NT5M: variants seen among roughly 807,000 people sequenced by gnomAD.
The protein encoded by NT5M is 5'(3')-deoxyribonucleotidase, mitochondrial.
A neutral mutation model predicts 22.2 loss-of-function variants in NT5M; 22 were observed. That is an observed-to-expected ratio of 0.99 (90% CI 0.71 to 1.41). The LOEUF is 1.41. Among genes scored for constraint, NT5M ranks in the 40% most tolerant of loss-of-function variants. The probability of loss-of-function intolerance (pLI) is 0.00; values close to 1 mark genes in which losing one functional copy is unlikely to be tolerated. For synonymous variants in NT5M, 167 were observed against 133.0 expected (o/e 1.26, Z -1.76); for missense variants, 322 against 314.8 (o/e 1.02, Z -0.17).
chr17:17,306,042 C>T (rs569530937), intron 1 of NT5M, among the ~76,000 whole-genome samples: 92 of 152,216 alleles, frequency 6.0e-4, no homozygotes, highest in Non-Finnish European at 1.0e-3. Context: ...AAGCAGAGCT[C>T]TTCTGGTTAA....
At chr17:17,341,837 T>A (rs988691884) in intron 3 of NT5M, among the ~76,000 whole-genome samples, 1 of 152,200 alleles carries the variant, frequency 6.6e-6, no homozygotes, top group African/African-American at 2.4e-5. Flanking sequence ...GAGACCAGCC[T>A]GGCCAACGTG....
At chr17:17,323,967 G>C (rs1007118286) in intron 3 of NT5M, among the ~76,000 whole-genome samples, 1 of 152,108 alleles carries the variant, frequency 6.6e-6, no homozygotes, top group Non-Finnish European at 1.5e-5. Context: ...AGATCACTGG[G>C]TTCAAGCAAT....
At chr17:17,314,086 T>G (rs1376323700) in intron 2 of NT5M, among the ~76,000 whole-genome samples, 1 of 150,014 alleles carries the variant, frequency 6.7e-6, no homozygotes, top group Non-Finnish European at 1.5e-5. Flanking sequence ...CAGGCTGGAG[T>G]GCAGTGGTGC....
chr17:17,337,440 G>C (rs1292117886), intron 3 of NT5M, among the ~76,000 whole-genome samples: 1 of 149,250 alleles, frequency 6.7e-6, no homozygotes, highest in Non-Finnish European at 1.5e-5. Context: ...GTTTTGCCCT[G>C]TTTCTCAGAC....
chr17:17,306,040 C>G (rs184628941), intron 1 of NT5M, among the ~76,000 whole-genome samples: 1 of 152,140 alleles, frequency 6.6e-6, no homozygotes, highest in East Asian at 1.9e-4. Context: ...AAAAGCAGAG[C>G]TCTTCTGGTT....
chr17:17,330,447 C>T (rs1291385752), intron 3 of NT5M, among the ~76,000 whole-genome samples: 1 of 150,398 alleles, frequency 6.6e-6, no homozygotes, highest in African/African-American at 2.5e-5. Context: ...GTGATCTCAG[C>T]TCACTGCAAC....
chr17:17,318,464 A>AG (rs2049078924), intron 2 of NT5M, among the ~76,000 whole-genome samples: 3 of 140,640 alleles, frequency 2.1e-5, no homozygotes, highest in Non-Finnish European at 3.1e-5. Context: ...CTGGGTAACA[A>AG]AGCGAGACTC....
chr17:17,307,150 A>G lies in NT5M; in HGVS notation c.368+507A>G, dbSNP rs1371212480. Among the ~76,000 whole-genome samples the G allele has an allele frequency of 2.0e-5, 3 of 151,964 alleles. No individual in the cohort carries two copies. In the East Asian group the frequency reaches 5.8e-4, roughly 30 times the overall value. ...GAGGTGGAGGTTGTGGTGAGCCGAG[A>G]TCGCGCCATTGCACTCCAGCCTGGG... On this transcript the variant is annotated intron_variant, in intron 2 of 4. Transcript: ENST00000389022.
chr17:17,338,232 G>A (rs954188763), intron 3 of NT5M, among the ~76,000 whole-genome samples: 9 of 149,848 alleles, frequency 6.0e-5, no homozygotes, highest in East Asian at 3.9e-4. Flanking sequence ...TTACTCTGTC[G>A]CCCAGGCGGG....
chr17:17,340,361 C>G (rs1347163901), intron 3 of NT5M, among the ~76,000 whole-genome samples: 1 of 151,740 alleles, frequency 6.6e-6, no homozygotes, highest in Non-Finnish European at 1.5e-5. Flanking sequence ...TTATTTGGGT[C>G]TTCTCTCTTT....
At chr17:17,341,517 T>C (rs1017700938) in intron 3 of NT5M, among the ~76,000 whole-genome samples, 2 of 152,188 alleles carry the variant, frequency 1.3e-5, no homozygotes, top group African/African-American at 4.8e-5. Context: ...CTCTGATGCA[T>C]AATTTTCCAC....
intron 3 of NT5M, among the ~76,000 whole-genome samples, chr17:17,336,677 A>T (rs946066361): frequency 4.0e-5 from 6 of 151,486 alleles, no homozygotes; most frequent in Admixed American, 1.3e-4. Context: ...CAGCCACCTG[A>T]GTAGCTGGGA....
intron 2 of NT5M, among the ~76,000 whole-genome samples, chr17:17,314,445 G>C (rs751629978): frequency 7.2e-5 from 11 of 152,146 alleles, no homozygotes; most frequent in Non-Finnish European, 1.5e-4. Context: ...CTCTAGTTAA[G>C]AATTTGGTGT....
intron 3 of NT5M, among the ~76,000 whole-genome samples, chr17:17,330,394 T>G (rs75322001): frequency 1.3e-5 from 2 of 150,042 alleles, no homozygotes; most frequent in Non-Finnish European, 3.0e-5. Flanking sequence ...TTTTTTTTTT[T>G]GACAGAGTTT....
At chr17:17,345,012 C>T (rs2049728775) in intron 4 of NT5M, 104 bp downstream of exon 4, 2 of 1,511,482 alleles carry the variant, frequency 1.3e-6, no homozygotes, top group African/African-American at 1.4e-5. Context: ...CACTTAGTCA[C>T]CAGCTGTTTG....
chr17:17,326,324 G>C (rs972679623), intron 3 of NT5M, among the ~76,000 whole-genome samples: 2 of 152,202 alleles, frequency 1.3e-5, no homozygotes, highest in African/African-American at 4.8e-5. Flanking sequence ...GGGTCTGCCT[G>C]TCAAGAGCCT....
At chr17:17,308,582 ACT>A (rs764018533) in intron 2 of NT5M, among the ~76,000 whole-genome samples, 4 of 151,254 alleles carry the variant, frequency 2.6e-5, no homozygotes, top group Non-Finnish European at 5.9e-5. Context: ...ACAGAGTGAA[ACT>A]CTGTCTCAAA....
chr17:17,338,677 G>GTTTTTTTTT (rs59650601), intron 3 of NT5M, among the ~76,000 whole-genome samples: 166 of 73,194 alleles, frequency 2.3e-3, no homozygotes, highest in Non-Finnish European at 2.9e-3. Context: ...AATGTTAAGG[G>GTTTTTTTTT]TTTTTTTTTT....
intron 2 of NT5M, among the ~76,000 whole-genome samples, chr17:17,308,485 G>A (rs371574926): frequency 2.6e-5 from 4 of 151,738 alleles, no homozygotes; most frequent in Non-Finnish European, 5.9e-5. Context: ...CCAGCTACTC[G>A]GGAGGCTGAG....
Sources: gnomAD v4.1 joint callset for allele counts (sites outside exome capture counted in the v4.1 genomes callset) on GRCh38, gnomAD v4.1.1 for gene constraint, MANE v1.5 for transcripts, NCBI Gene and HGNC (gene_info 2026-07-23, HGNC 2026-07-21) for gene names.